ZNF804A: variants seen among roughly 807,000 people sequenced by gnomAD.
The protein encoded by ZNF804A is zinc finger protein 804A.
Under a neutral mutation model 16.5 loss-of-function variants are expected in ZNF804A, and 2 were observed. The observed-to-expected ratio is 0.12, with a 90% CI of 0.05 to 0.38. ZNF804A has a LOEUF of 0.38. Ranked by LOEUF, ZNF804A falls within the 10% of genes least tolerant of loss-of-function variation. The pLI, the probability that ZNF804A is intolerant of heterozygous loss-of-function variation, is 0.99. For missense variants in ZNF804A, 1,473 were observed against 1,390.7 expected (o/e 1.06, Z -0.94); for synonymous variants, 534 against 489.6 (o/e 1.09, Z -1.20).
intron 1 of ZNF804A, among the ~76,000 whole-genome samples, chr2:184,762,286 T>A (rs1694050654): frequency 6.6e-6 from 1 of 151,776 alleles, no homozygotes; most frequent in Non-Finnish European, 1.5e-5. Flanking sequence ...TACTAAACAT[T>A]ATTTTCATTT....
chr2:184,907,033 A>C (rs1166070762), intron 2 of ZNF804A, among the ~76,000 whole-genome samples: 2 of 152,146 alleles, frequency 1.3e-5, no homozygotes, highest in Non-Finnish European at 2.9e-5. Context: ...GAAGAACTGA[A>C]TCCTGCCAAC....
At chr2:184,612,979 C>T (rs1691262814) in intron 1 of ZNF804A, among the ~76,000 whole-genome samples, 1 of 152,164 alleles carries the variant, frequency 6.6e-6, no homozygotes, top group Non-Finnish European at 1.5e-5. Context: ...AAGTAAGAAA[C>T]ATTTGGAGAC....
chr2:184,791,090 T>A (rs1325876141), intron 1 of ZNF804A, among the ~76,000 whole-genome samples: 2 of 152,220 alleles, frequency 1.3e-5, no homozygotes, highest in South Asian at 2.1e-4. Context: ...GGGTCTCTTG[T>A]GGACAGCAGA....
At chr2:184,779,085 C>T (rs897503591) in intron 1 of ZNF804A, among the ~76,000 whole-genome samples, 1 of 151,614 alleles carries the variant, frequency 6.6e-6, no homozygotes, top group Non-Finnish European at 1.5e-5. Flanking sequence ...TTCTCTCTGG[C>T]TACCATAAGA....
At chr2:184,865,534 C>A (rs575014764) in intron 1 of ZNF804A, among the ~76,000 whole-genome samples, 2 of 152,174 alleles carry the variant, frequency 1.3e-5, no homozygotes, top group South Asian at 4.2e-4. Context: ...ATTTGTGACA[C>A]TTACTTCATT....
At chr2:184,854,085 A>G (rs1278363666) in intron 1 of ZNF804A, among the ~76,000 whole-genome samples, 1 of 151,800 alleles carries the variant, frequency 6.6e-6, no homozygotes, top group Non-Finnish European at 1.5e-5. Context: ...CCTTGTTAGT[A>G]ACGATTTGAT....
intron 1 of ZNF804A, among the ~76,000 whole-genome samples, chr2:184,737,619 T>C (rs1693647747): frequency 6.6e-6 from 1 of 152,164 alleles, no homozygotes; most frequent in African/African-American, 2.4e-5. Context: ...AATAAATATG[T>C]TTAATTTTCT....
intron 1 of ZNF804A, among the ~76,000 whole-genome samples, chr2:184,792,918 C>T (rs948879408): frequency 6.6e-6 from 1 of 152,056 alleles, no homozygotes; most frequent in African/African-American, 2.4e-5. Context: ...TAACCCAGCC[C>T]TCCCTCCTTC....
chr2:184,763,630 C>CTCTTTT (rs1491488788), intron 1 of ZNF804A, among the ~76,000 whole-genome samples: 4 of 21,256 alleles, frequency 1.9e-4, no homozygotes, highest in Non-Finnish European at 3.1e-4. Flanking sequence ...CTTCAAAGTG[C>CTCTTTT]TTTTTTTTTT....
chr2:184,709,764 G>A (rs1003536965), intron 1 of ZNF804A, among the ~76,000 whole-genome samples: 1 of 150,194 alleles, frequency 6.7e-6, no homozygotes, highest in African/African-American at 2.4e-5. Context: ...AAACTTCCTA[G>A]TGTACTGCTT....
At chr2:184,641,102 C>A (rs192209405) in intron 1 of ZNF804A, among the ~76,000 whole-genome samples, 3 of 152,036 alleles carry the variant, frequency 2.0e-5, no homozygotes, top group South Asian at 4.1e-4. Flanking sequence ...TTACAGGAGC[C>A]GGCCACTATG....
chr2:184,861,059 A>T (rs1015817184), intron 1 of ZNF804A, among the ~76,000 whole-genome samples: 4 of 152,088 alleles, frequency 2.6e-5, no homozygotes, highest in Non-Finnish European at 5.9e-5. Flanking sequence ...ATAGAATCTA[A>T]CCTGGTGCTA....
chr2:184,772,549 T>A (rs1159301047), intron 1 of ZNF804A, among the ~76,000 whole-genome samples: 3 of 151,966 alleles, frequency 2.0e-5, no homozygotes, highest in Non-Finnish European at 4.4e-5. Context: ...GTGTTTCTAC[T>A]TTTTAGCTAT....
intron 1 of ZNF804A, among the ~76,000 whole-genome samples, chr2:184,691,069 G>A (rs570304340): frequency 7.9e-5 from 12 of 152,016 alleles, no homozygotes; most frequent in Middle Eastern, 3.4e-3. Flanking sequence ...TATATTTAGC[G>A]GGGTTCACTC....
intron 1 of ZNF804A, among the ~76,000 whole-genome samples, chr2:184,667,888 CATA>C (rs1692276640): frequency 6.6e-6 from 1 of 151,726 alleles, no homozygotes; most frequent in Admixed American, 6.6e-5. Flanking sequence ...TCTGTGTTTT[CATA>C]ATATCTTCAA....
chr2:184,808,620 C>A (rs1694847554), intron 1 of ZNF804A, among the ~76,000 whole-genome samples: 1 of 151,128 alleles, frequency 6.6e-6, no homozygotes, highest in Admixed American at 6.6e-5. Context: ...TATTTTTACA[C>A]TTAATTTGTG....
intron 2 of ZNF804A, among the ~76,000 whole-genome samples, chr2:184,899,342 A>AT (rs1459811964): frequency 1.3e-5 from 2 of 152,006 alleles, no homozygotes; most frequent in Non-Finnish European, 2.9e-5. Flanking sequence ...AAGTGCATTT[A>AT]TTGCTCCAAA....
At chr2:184,784,015 T>C (rs538451596) in intron 1 of ZNF804A, among the ~76,000 whole-genome samples, 97 of 152,148 alleles carry the variant, frequency 6.4e-4, no homozygotes, top group Middle Eastern at 3.4e-3. Context: ...TCTAGTTTTC[T>C]TTCTAAATAT....
At chr2:184,798,004 A>ATGTGTGTGTG (rs1443753151) in intron 1 of ZNF804A, among the ~76,000 whole-genome samples, 7 of 123,438 alleles carry the variant, frequency 5.7e-5, no homozygotes, top group African/African-American at 9.7e-5. Flanking sequence ...CATGGCTGAT[A>ATGTGTGTGTG]TATGTGTGTG....
Sources: gnomAD v4.1 joint callset for allele counts (sites outside exome capture counted in the v4.1 genomes callset) on GRCh38, gnomAD v4.1.1 for gene constraint, MANE v1.5 for transcripts, NCBI Gene and HGNC (gene_info 2026-07-23, HGNC 2026-07-21) for gene names.